Variants in CATSPERQ observed in about 807,000 individuals in gnomAD.
The protein encoded by CATSPERQ is catsper channel auxiliary subunit theta.
chr8:144,354,871 G>A, the CATSPERQ span: 12 of 1,458,882 alleles, frequency 8.2e-6, no homozygotes, highest in Non-Finnish European at 1.1e-5. This position sits in a 1 kb window ranked among gnomAD's most constrained non-coding sequence, Gnocchi z 4.6. Context: ...AGGGCTGCAG[G>A]CCCAGGAAGG....
chr8:144,353,579 C>T, the CATSPERQ span: 1 of 1,492,904 alleles, frequency 6.7e-7, no homozygotes. Context: ...AGACCCGAGT[C>T]GCCGTCCAGG....
chr8:144,354,403 C>T, the CATSPERQ span: 3 of 1,472,118 alleles, frequency 2.0e-6, no homozygotes, highest in East Asian at 2.5e-5. This position sits in a 1 kb window ranked among gnomAD's most constrained non-coding sequence, Gnocchi z 4.6. Flanking sequence ...CAAGGCTTGG[C>T]CCGGACTAGC....
the CATSPERQ span, chr8:144,354,577 C>G: frequency 2.1e-4 from 167 of 797,440 alleles, no homozygotes; most frequent in Non-Finnish European, 3.0e-4. This position sits in a 1 kb window ranked among gnomAD's most constrained non-coding sequence, Gnocchi z 4.6. Flanking sequence ...CCGCCCTTCC[C>G]AGCCCCGCCC....
chr8:144,353,420 G>C, the CATSPERQ span: 1 of 1,535,810 alleles, frequency 6.5e-7, no homozygotes, highest in Non-Finnish European at 8.7e-7. Context: ...CAGTGCCAGC[G>C]CCAGGGGGTG....
the CATSPERQ span, chr8:144,353,369 A>G: frequency 6.5e-7 from 1 of 1,534,664 alleles, no homozygotes; most frequent in Non-Finnish European, 8.7e-7. Context: ...GGCTGGACTG[A>G]GAGGAGCTGG....
the CATSPERQ span, chr8:144,354,114 G>A: frequency 3.9e-6 from 6 of 1,535,164 alleles, no homozygotes; most frequent in Non-Finnish European, 5.2e-6. This position sits in a 1 kb window ranked among gnomAD's most constrained non-coding sequence, Gnocchi z 4.6. Context: ...CGCCCACGCC[G>A]TACACGAGGA....
At chr8:144,354,208 C>T in the CATSPERQ span, 33 of 1,545,938 alleles carry the variant, frequency 2.1e-5, no homozygotes, top group African/African-American at 3.5e-4. The surrounding 1 kb of genome is among the most constrained non-coding windows in gnomAD (Gnocchi z 4.6). Flanking sequence ...GGGAGGAGGG[C>T]GGTGGGGGTC....
the CATSPERQ span, chr8:144,354,409 C>G: frequency 3.0e-4 from 428 of 1,446,038 alleles, 2 homozygotes; most frequent in African/African-American, 4.8e-3. This position sits in a 1 kb window ranked among gnomAD's most constrained non-coding sequence, Gnocchi z 4.6. Context: ...TTGGCCCGGA[C>G]TAGCTGGGTC....
At chr8:144,354,574 T>TACCCCCCCCCCCC in the CATSPERQ span, 1 of 322,964 alleles carries the variant, frequency 3.1e-6, no homozygotes, top group Admixed American at 5.8e-5. The surrounding 1 kb of genome is among the most constrained non-coding windows in gnomAD (Gnocchi z 4.6). Flanking sequence ...GCCCCGCCCT[T>TACCCCCCCCCCCC]CCCAGCCCCG....
chr8:144,353,616 C>CCGAAG, the CATSPERQ span: 49 of 1,460,070 alleles, frequency 3.4e-5, no homozygotes, highest in Non-Finnish European at 4.2e-5. Context: ...CAGGCTGCAT[C>CCGAAG]CCCCGTCCTG....
chr8:144,353,915 C>A, the CATSPERQ span: 2 of 1,528,300 alleles, frequency 1.3e-6, no homozygotes, highest in Non-Finnish European at 1.8e-6. Context: ...ACCTCCCAAG[C>A]TGCCTCCCCG....
the CATSPERQ span, chr8:144,354,568 C>A: frequency 1.4e-6 from 1 of 734,760 alleles, no homozygotes; most frequent in South Asian, 1.9e-5. The surrounding 1 kb of genome is among the most constrained non-coding windows in gnomAD (Gnocchi z 4.6). Context: ...TCCCCCGCCC[C>A]GCCCTTCCCA....
At chr8:144,353,415 C>T in the CATSPERQ span, 4 of 1,535,722 alleles carry the variant, frequency 2.6e-6, no homozygotes, top group African/African-American at 5.5e-5. Flanking sequence ...CATCACAGTG[C>T]CAGCGCCAGG....
At chr8:144,354,088 A>G in the CATSPERQ span, 2 of 1,535,242 alleles carry the variant, frequency 1.3e-6, no homozygotes, top group Non-Finnish European at 1.7e-6. This position sits in a 1 kb window ranked among gnomAD's most constrained non-coding sequence, Gnocchi z 4.6. Flanking sequence ...CGACGAGATC[A>G]CGAGCCACAG....
the CATSPERQ span, chr8:144,353,661 C>G: frequency 6.8e-7 from 1 of 1,462,646 alleles, no homozygotes; most frequent in Non-Finnish European, 9.2e-7. Flanking sequence ...CGGCCCCCAG[C>G]ACCGAAGACC....
the CATSPERQ span, chr8:144,354,524 C>G: frequency 4.2e-6 from 6 of 1,445,086 alleles, no homozygotes; most frequent in Non-Finnish European, 5.5e-6. The surrounding 1 kb of genome is among the most constrained non-coding windows in gnomAD (Gnocchi z 4.6). Context: ...CCACCTGGCT[C>G]CGCCCCATTC....
chr8:144,354,405 C>T, the CATSPERQ span: 24 of 1,470,084 alleles, frequency 1.6e-5, no homozygotes, highest in Middle Eastern at 2.4e-4. The surrounding 1 kb of genome is among the most constrained non-coding windows in gnomAD (Gnocchi z 4.6). Flanking sequence ...AGGCTTGGCC[C>T]GGACTAGCTG....
the CATSPERQ span, chr8:144,354,852 A>G: frequency 4.0e-6 from 6 of 1,482,214 alleles, no homozygotes; most frequent in Non-Finnish European, 5.4e-6. This position sits in a 1 kb window ranked among gnomAD's most constrained non-coding sequence, Gnocchi z 4.6. Context: ...CTCGGTGAGC[A>G]AATTCTCCAG....
chr8:144,353,781 G>C, the CATSPERQ span: 2 of 1,535,456 alleles, frequency 1.3e-6, no homozygotes, highest in South Asian at 1.2e-5. Context: ...GACCCACCTC[G>C]TAGTGCTCCG....
Sources: allele counts gnomAD v4.1 joint callset, GRCh38; gene constraint gnomAD v4.1.1; non-coding constraint Gnocchi (gnomAD v3.1); transcripts MANE v1.5; gene names NCBI Gene and HGNC (gene_info 2026-07-23, HGNC 2026-07-21).